ANO3: variants seen among roughly 807,000 people sequenced by gnomAD.
ANO3 encodes anoctamin-3.
Under a neutral mutation model 144.8 loss-of-function variants are expected in ANO3, and 99 were observed. That is an observed-to-expected ratio of 0.68 (90% CI 0.58 to 0.81). The LOEUF is 0.81. Ranked by LOEUF, ANO3 falls within the 30% of genes least tolerant of loss-of-function variation. The pLI is 0.00. For missense variants in ANO3, 905 were observed against 1,202.2 expected, an observed-to-expected ratio of 0.75 and a Z score of 3.66; for synonymous variants, 414 against 392.6, an observed-to-expected ratio of 1.05 and a Z score of -0.64.
intron 5 of ANO3, among the ~76,000 whole-genome samples, chr11:26,509,111 A>ATG (rs976899379): frequency 5.3e-5 from 8 of 150,576 alleles, no homozygotes; most frequent in African/African-American, 1.9e-4. Flanking sequence ...CTCTCTATAT[A>ATG]TATATATATA....
At chr11:26,655,633 A>C (rs1853661206) in intron 24 of ANO3, among the ~76,000 whole-genome samples, 1 of 152,120 alleles carries the variant, frequency 6.6e-6, no homozygotes, top group Non-Finnish European at 1.5e-5. Context: ...TGTAAGCTAC[A>C]CAGGGATAGG....
At chr11:26,352,978 A>T (rs1855686430) in intron 1 of ANO3, among the ~76,000 whole-genome samples, 1 of 152,230 alleles carries the variant, frequency 6.6e-6, no homozygotes, top group African/African-American at 2.4e-5. Context: ...AAATAACTCA[A>T]AAATGAGTCA....
At chr11:26,555,633 A>G (rs1850062604) in intron 13 of ANO3, among the ~76,000 whole-genome samples, 1 of 152,216 alleles carries the variant, frequency 6.6e-6, no homozygotes, top group South Asian at 2.1e-4. Flanking sequence ...GGAAGAATAC[A>G]AGAAATACAA....
intron 26 of ANO3, among the ~76,000 whole-genome samples, chr11:26,657,707 G>A (rs1853735370): frequency 6.6e-6 from 1 of 151,914 alleles, no homozygotes; most frequent in Non-Finnish European, 1.5e-5. Flanking sequence ...TAATTTGAGT[G>A]TTCTTTTTCA....
chr11:26,615,415 T>TATATATATATA (rs1491318574), intron 17 of ANO3, among the ~76,000 whole-genome samples: 6 of 55,476 alleles, frequency 1.1e-4, no homozygotes, highest in African/African-American at 3.8e-4. Context: ...TATATATATA[T>TATATATATATA]TTTTTTTTTT....
chr11:26,604,927 C>T (rs1365699572), intron 17 of ANO3, among the ~76,000 whole-genome samples: 3 of 152,130 alleles, frequency 2.0e-5, no homozygotes, highest in African/African-American at 7.2e-5. Context: ...TGCCTGATCG[C>T]CCTGCCCAGA....
intron 1 of ANO3, among the ~76,000 whole-genome samples, chr11:26,353,409 G>A (rs1236441707): frequency 6.6e-6 from 1 of 152,118 alleles, no homozygotes; most frequent in Non-Finnish European, 1.5e-5. Flanking sequence ...CTTTTTGTTA[G>A]TCATGTGGAA....
chr11:26,349,970 G>C (rs114726990), intron 1 of ANO3, among the ~76,000 whole-genome samples: 1 of 152,154 alleles, frequency 6.6e-6, no homozygotes, highest in East Asian at 1.9e-4. Flanking sequence ...TGGAGGAGCA[G>C]ATGTCCCCTG....
intron 1 of ANO3, among the ~76,000 whole-genome samples, chr11:26,208,940 C>A (rs190196030): frequency 5.1e-4 from 77 of 152,226 alleles, no homozygotes; most frequent in Non-Finnish European, 9.3e-4. Context: ...TAAGAGTGCT[C>A]TTCCTGTAAA....
rs76600176 is a variant in ANO3 at position 26,635,639 on chromosome 11, A to T, written c.2043+569A>T. Reference sequence around the variant, plus strand: ...GTGTGAGCCTGCTTCTTCAGTATTTAGCCAATGGTAGAATTTTCACTTTTA... The same window carrying T: ...GTGTGAGCCTGCTTCTTCAGTATTTTGCCAATGGTAGAATTTTCACTTTTA... On this transcript the variant is annotated intron_variant, in intron 20 of 26. Transcript: ENST00000256737. Among the ~76,000 whole-genome samples the T allele has an allele frequency of 3.9e-5, 6 of 152,314 alleles. No homozygotes were observed. In the East Asian group the frequency reaches 1.2e-3, roughly 29 times the overall value.
rs372051321 is a variant in ANO3 at position 26,602,775 on chromosome 11, A to G, written c.1836+3061A>G. 1.1e-4 allele frequency among the ~76,000 whole-genome samples: 17 copies of G among 152,002 alleles called. No individual in the cohort carries two copies. The East Asian group carries it at 1.4e-3, about 12-fold the overall frequency. On this transcript the variant is annotated intron_variant, in intron 17 of 26. Coordinates refer to ENST00000256737, the MANE Select transcript of ANO3 (RefSeq NM_031418.4). ...CAAAAAAAAAAGACATTACTGTGTAATAGAACACTAGAACTTATTTCTTCT... is the reference window on the plus strand; with the variant it reads ...CAAAAAAAAAAGACATTACTGTGTAGTAGAACACTAGAACTTATTTCTTCT...
chr11:26,243,857 C>T (rs532554277), intron 1 of ANO3, among the ~76,000 whole-genome samples: 36 of 152,092 alleles, frequency 2.4e-4, no homozygotes, highest in South Asian at 6.2e-4. Context: ...TGCGGTGTCA[C>T]GCCTGTAATC....
intron 1 of ANO3, among the ~76,000 whole-genome samples, chr11:26,299,500 GAGA>G (rs1005176168): frequency 1.3e-5 from 2 of 152,228 alleles, no homozygotes; most frequent in African/African-American, 4.8e-5. Flanking sequence ...CAAATAAGTT[GAGA>G]AGAAGCCACC....
intron 4 of ANO3, among the ~76,000 whole-genome samples, chr11:26,464,714 G>A (rs769998594): frequency 3.3e-5 from 5 of 151,610 alleles, no homozygotes; most frequent in Non-Finnish European, 7.4e-5. Flanking sequence ...GACCACAATA[G>A]GTCAATCCAA....
rs898734 is a variant in ANO3, at chr11:26,347,117, C to T, written c.46+14796C>T. Reference sequence around the variant, plus strand: ...AGTTGCATACAAAGCTTCAAATTCTCGCTCCATCACTTAATAGCTGTGTCA... The same window carrying T: ...AGTTGCATACAAAGCTTCAAATTCTTGCTCCATCACTTAATAGCTGTGTCA... On this transcript the variant is annotated intron_variant, in intron 1 of 26. Coordinates refer to ENST00000256737, the MANE Select transcript of ANO3 (RefSeq NM_031418.4). 4.0e-3 allele frequency among the ~76,000 whole-genome samples: 602 copies of T among 152,270 alleles called. 7 individuals are homozygous for T. Among genetic ancestry groups the T allele is most frequent in the African/African-American group, 0.011 (477 of 41,548 alleles).
At chr11:26,608,478 G>T (rs1211624042) in intron 17 of ANO3, among the ~76,000 whole-genome samples, 1 of 152,174 alleles carries the variant, frequency 6.6e-6, no homozygotes, top group East Asian at 1.9e-4. Flanking sequence ...GGTGGAGGGG[G>T]TGTGCTTTGC....
intron 1 of ANO3, among the ~76,000 whole-genome samples, chr11:26,274,576 C>G (rs1021830502): frequency 6.6e-6 from 1 of 152,044 alleles, no homozygotes; most frequent in African/African-American, 2.4e-5. Flanking sequence ...GAAAGTAAAT[C>G]CTTGGTACTG....
intron 1 of ANO3, among the ~76,000 whole-genome samples, chr11:26,223,926 C>T (rs936399228): frequency 6.6e-6 from 1 of 152,124 alleles, no homozygotes; most frequent in African/African-American, 2.4e-5. Flanking sequence ...CCCCCATGAC[C>T]AAAACACCTC....
At chr11:26,452,682 C>T (rs969708171) in intron 3 of ANO3, among the ~76,000 whole-genome samples, 6 of 152,240 alleles carry the variant, frequency 3.9e-5, no homozygotes, top group African/African-American at 1.4e-4. Context: ...GAGAACTTCC[C>T]CAATCTAGCA....
Sources: allele counts gnomAD v4.1 joint callset (sites outside exome capture counted in the v4.1 genomes callset), GRCh38; gene constraint gnomAD v4.1.1; transcripts MANE v1.5; gene names NCBI Gene and HGNC (gene_info 2026-07-23, HGNC 2026-07-21).